Variants in ANKFN1 observed in about 807,000 individuals in gnomAD.
ANKFN1 encodes the protein ankyrin repeat and fibronectin type III domain containing 1.
A neutral mutation model predicts 108.7 loss-of-function variants in ANKFN1; 74 were observed. That is an observed-to-expected ratio of 0.68 (90% CI 0.56 to 0.83). The LOEUF (loss-of-function observed/expected upper bound fraction) is 0.83, where lower values mean the gene tolerates loss of function less well. Among genes scored for constraint, ANKFN1 ranks in the 40% least tolerant of loss-of-function variants. The pLI is 0.00. For missense variants in ANKFN1, 1,505 were observed against 1,382.3 expected (o/e 1.09, Z -1.41); for synonymous variants, 547 against 516.2 (o/e 1.06, Z -0.81).
At chr17:56,239,573 G>A (rs565034172) in intron 3 of ANKFN1, among the ~76,000 whole-genome samples, 10 of 152,230 alleles carry the variant, frequency 6.6e-5, no homozygotes, top group Non-Finnish European at 1.3e-4. Flanking sequence ...AATCAGAGCT[G>A]CTCTCTTCTC....
At chr17:56,163,185 A>G (rs2143515110) in intron 1 of ANKFN1, among the ~76,000 whole-genome samples, 4 of 152,272 alleles carry the variant, frequency 2.6e-5, no homozygotes, top group African/African-American at 9.6e-5. Context: ...TTTTAAACCC[A>G]TACTTGAACC....
intron 4 of ANKFN1, among the ~76,000 whole-genome samples, chr17:56,056,059 A>C (rs1308758822): frequency 6.6e-6 from 1 of 151,312 alleles, no homozygotes; most frequent in African/African-American, 2.4e-5. Context: ...TTCTTTGCCC[A>C]GTTTTTAATG....
At chr17:56,261,605 G>A (rs1024077513) in intron 3 of ANKFN1, among the ~76,000 whole-genome samples, 1 of 151,906 alleles carries the variant, frequency 6.6e-6, no homozygotes, top group Middle Eastern at 3.2e-3. Context: ...GTGGTCAACT[G>A]TCTAAGAGTC....
At chr17:56,474,640 G>A (rs1304328566) in intron 15 of ANKFN1, among the ~76,000 whole-genome samples, 2 of 152,146 alleles carry the variant, frequency 1.3e-5, no homozygotes, top group Non-Finnish European at 2.9e-5. Flanking sequence ...TGACCTGTGA[G>A]TCTGTAGCCA....
chr17:56,153,621 C>A, intron 1 of ANKFN1, 91 bp downstream of exon 1: 1 of 1,526,242 alleles, frequency 6.6e-7, no homozygotes, highest in Non-Finnish European at 9.1e-7. Context: ...GTTGAGTGGG[C>A]GAGTGAATTC....
At chr17:56,416,124 G>A (rs1241009088) in intron 8 of ANKFN1, among the ~76,000 whole-genome samples, 1 of 152,112 alleles carries the variant, frequency 6.6e-6, no homozygotes, top group Non-Finnish European at 1.5e-5. Context: ...GATAACACTG[G>A]AGGAAAATCT....
chr17:56,170,159 G>A (rs755778905), intron 1 of ANKFN1, among the ~76,000 whole-genome samples: 5 of 152,080 alleles, frequency 3.3e-5, no homozygotes, highest in Non-Finnish European at 5.9e-5. Flanking sequence ...AAATGACCTT[G>A]GCGTCAAAGA....
At chr17:56,139,557 A>T (rs1267778585) in intron 4 of ANKFN1, among the ~76,000 whole-genome samples, 1 of 152,072 alleles carries the variant, frequency 6.6e-6, no homozygotes, top group Non-Finnish European at 1.5e-5. Flanking sequence ...TTTTCCCCCC[A>T]TTATGCTCTG....
At chr17:56,100,455 A>G (rs1905622915) in intron 4 of ANKFN1, among the ~76,000 whole-genome samples, 1 of 152,204 alleles carries the variant, frequency 6.6e-6, no homozygotes, top group Non-Finnish European at 1.5e-5. Flanking sequence ...TTACACATGA[A>G]AAATGTAGCA....
chr17:56,056,646 T>G (rs1398078145), intron 4 of ANKFN1, among the ~76,000 whole-genome samples: 1 of 152,214 alleles, frequency 6.6e-6, no homozygotes, highest in Non-Finnish European at 1.5e-5. Flanking sequence ...ACTGGACCCC[T>G]ATCCCTTACC....
chr17:56,392,208 C>T (rs955177680), intron 8 of ANKFN1, among the ~76,000 whole-genome samples: 1 of 152,130 alleles, frequency 6.6e-6, no homozygotes, highest in Non-Finnish European at 1.5e-5. Context: ...TGTGCAAGGT[C>T]CCATAATAAG....
intron 3 of ANKFN1, among the ~76,000 whole-genome samples, chr17:56,286,639 G>A (rs192590695): frequency 1.1e-3 from 163 of 152,108 alleles, no homozygotes; most frequent in Non-Finnish European, 1.7e-3. Flanking sequence ...TGAGCCAGGT[G>A]GAGTCTGTAT....
rs115729129 is a variant in ANKFN1 at position 56,088,838 on chromosome 17, C to T, written c.288+42513C>T. Among the ~76,000 whole-genome samples, 302 of 151,412 alleles carry T rather than the reference C, an allele frequency of 2.0e-3. 13 individuals carry two copies. The highest frequency in any genetic ancestry group is 7.0e-3 in the African/African-American group (289 of 41,308). On this transcript the variant is annotated intron_variant, in intron 4 of 12. Coordinates refer to the ANKFN1 transcript ENST00000635860. ...CTCTCACTTCAACCCCTGTATACCT[C>T]ACAAGGCTAATAGCTTCTTTAGCAT...
intron 4 of ANKFN1, among the ~76,000 whole-genome samples, chr17:56,129,487 TAAAA>T (rs11285113): frequency 6.8e-6 from 1 of 146,262 alleles, no homozygotes; most frequent in Admixed American, 6.9e-5. Context: ...AACCACTCCA[TAAAA>T]AAAAAAAAGT....
At chr17:56,048,058 G>T (rs532594921) in intron 4 of ANKFN1, among the ~76,000 whole-genome samples, 1 of 152,212 alleles carries the variant, frequency 6.6e-6, no homozygotes, top group South Asian at 2.1e-4. Context: ...TTTTGACACG[G>T]TTGTAACTGT....
intron 2 of ANKFN1, among the ~76,000 whole-genome samples, chr17:56,225,458 G>A (rs9652873): frequency 1 from 152,284 of 152,284 alleles, 76,142 homozygotes; most frequent in Non-Finnish European, 1. Context: ...CTCCTCACTG[G>A]CCACTGTTGT....
At chr17:56,491,416 A>G (rs1015599618) in intron 18 of ANKFN1, among the ~76,000 whole-genome samples, 1 of 152,218 alleles carries the variant, frequency 6.6e-6, no homozygotes, top group Non-Finnish European at 1.5e-5. Flanking sequence ...TGGTCAGAGA[A>G]GTACAGGAAA....
intron 4 of ANKFN1, among the ~76,000 whole-genome samples, chr17:56,137,881 A>C (rs1394529348): frequency 1.3e-5 from 2 of 152,230 alleles, no homozygotes; most frequent in African/African-American, 4.8e-5. Flanking sequence ...GATTCCATTG[A>C]AACTAGAATA....
At chr17:56,395,437 T>C (rs2047552193) in intron 8 of ANKFN1, among the ~76,000 whole-genome samples, 1 of 152,084 alleles carries the variant, frequency 6.6e-6, no homozygotes, top group African/African-American at 2.4e-5. Flanking sequence ...AGTCCATAGG[T>C]GTCAGCCTCC....
Sources: gnomAD v4.1 joint callset for allele counts (sites outside exome capture counted in the v4.1 genomes callset) on GRCh38, gnomAD v4.1.1 for gene constraint, MANE v1.5 for transcripts, NCBI Gene and HGNC (gene_info 2026-07-23, HGNC 2026-07-21) for gene names.